RNF31: variants seen among roughly 807,000 people sequenced by gnomAD.
The protein encoded by RNF31 is ring finger protein 31.
Under a neutral mutation model 133.6 loss-of-function variants are expected in RNF31, and 38 were observed. That is an observed-to-expected ratio of 0.28 (90% CI 0.22 to 0.37). The LOEUF is 0.37. RNF31 is among the 10% of genes least tolerant of loss of function. The pLI, the probability that RNF31 is intolerant of heterozygous loss-of-function variation, is 1.00. For missense variants in RNF31, 1,118 were observed against 1,394.1 expected, an observed-to-expected ratio of 0.80 and a Z score of 3.15; for synonymous variants, 582 against 552.3, an observed-to-expected ratio of 1.05 and a Z score of -0.75.
At chr14:24,147,368 T>C (rs1444446237), upstream of RNF31, 1 of 246,782 alleles carries the variant, frequency 4.1e-6, no homozygotes, top group East Asian at 7.6e-5. Flanking sequence ...CCAGGAGCCA[T>C]TTGCCTTCTC....
At chr14:24,156,780 A>AC (rs200303036) in intron 14 of RNF31, among the ~76,000 whole-genome samples, 6 of 148,498 alleles carry the variant, frequency 4.0e-5, no homozygotes, top group African/African-American at 1.5e-4. Context: ...CTCCATCTCA[A>AC]AAAAAAAAAA....
chr14:24,148,254 G>A lies in RNF31; in HGVS notation c.340-4G>A. On this transcript the variant is annotated splice_polypyrimidine_tract_variant and splice_region_variant and intron_variant, in intron 2 of 20. Coordinates refer to ENST00000324103, the MANE Select transcript of RNF31 (RefSeq NM_017999.5). Reference sequence around the variant, plus strand: ...GGGTGGTGACTCGTTTGAATGTGTGGCAGGGGGGCCGAGATGTGCTGCGAT... The same window carrying A: ...GGGTGGTGACTCGTTTGAATGTGTGACAGGGGGGCCGAGATGTGCTGCGAT... The A allele has an allele frequency of 6.2e-7, 1 of 1,614,128 alleles. No individual in the cohort carries two copies. Among genetic ancestry groups the A allele is most frequent in the Non-Finnish European group, 8.5e-7 (1 of 1,180,014 alleles).
intron 11 of RNF31, among the ~76,000 whole-genome samples, chr14:24,154,135 C>T (rs1174224680): frequency 6.6e-6 from 1 of 152,074 alleles, no homozygotes; most frequent in Non-Finnish European, 1.5e-5. Context: ...GCTGTGATTA[C>T]AGGCATCTGC....
Position 24,151,531 on chromosome 14 carries a change from T to A in RNF31, c.1784T>A (p.Leu595His). 6.2e-7 allele frequency: 1 copy of A among 1,614,186 alleles called. No homozygotes were observed. Among genetic ancestry groups the A allele is most frequent in the East Asian group, 2.2e-5 (1 of 44,886 alleles). Residue 595 changes from leucine to histidine, a missense_variant, in exon 10 of 21, where the codon CTC becomes CAC. Physicochemically the swap from Leu to His is moderately conservative, Grantham distance 99 (BLOSUM62 -3). Around this residue, in one of 3 missense-constraint regions of RNF31, gnomAD observed 747 missense variants for 827.9 expected, o/e 0.90. Transcript: ENST00000324103. The surrounding 1 kb of genome is among the most constrained non-coding windows in gnomAD (Gnocchi z 5.3). ...GGCTTTGGGCCTGAGGAGGGGTCTCTCCAGGCATTGTTCCAGCACGGAGGT... is the reference window on the plus strand; with the variant it reads ...GGCTTTGGGCCTGAGGAGGGGTCTCACCAGGCATTGTTCCAGCACGGAGGT... Reference protein sequence around the residue: ...SLGFGPEEGSLQALFQHGGDV... With the variant: ...SLGFGPEEGSHQALFQHGGDV...
intron 18 of RNF31, among the ~76,000 whole-genome samples, chr14:24,159,012 A>G (rs7151845): frequency 0.17 from 22,021 of 131,614 alleles, 1,851 homozygotes; most frequent in South Asian, 0.25. Context: ...CAGCCTGGGC[A>G]ACAGAGCGAG....
chr14:24,151,077 C>A lies in RNF31; in HGVS notation c.1489-54C>A. The A allele has an allele frequency of 1.9e-6, 3 of 1,602,132 alleles. No homozygotes were observed. The highest frequency in any genetic ancestry group is 1.3e-5 in the African/African-American group (1 of 74,854). ...CTGAGCCACTGTCACCATCTTAGTT[C>A]AGGCTGAGGGTGGGTGAAGGGTGCC... On this transcript the variant is annotated intron_variant, in intron 8 of 20. Transcript: ENST00000324103. This position sits in a 1 kb window ranked among gnomAD's most constrained non-coding sequence, Gnocchi z 5.3.
At chr14:24,157,822 C>G in intron 16 of RNF31, 76 bp from the exon 17 acceptor site, 1 of 1,274,320 alleles carries the variant, frequency 7.8e-7, no homozygotes, top group East Asian at 2.3e-5. Context: ...CCCTTACACC[C>G]CTCACGCAGG....
Position 24,157,841 on chromosome 14 carries a change from A to G in RNF31, c.2728-57A>G. The G allele has an allele frequency of 2.8e-6, 4 of 1,447,634 alleles. No homozygotes were observed. The South Asian group carries it at 4.6e-5, about 17-fold the overall frequency. 89.7% of individuals were successfully genotyped at this position (1,447,634 alleles called of 1,614,324 possible). A position where few individuals can be genotyped will look rare whatever the true frequency, so the allele number is the denominator to read the frequency against. ...TACACCCCTCACGCAGGGGTTCCTG[A>G]GAGGCCAGGACCCCAACAGTCTCCA... On this transcript the variant is annotated intron_variant, in intron 16 of 20. Coordinates refer to ENST00000324103, the MANE Select transcript of RNF31 (RefSeq NM_017999.5).
At chr14:24,158,102 A>G (rs777214768) in intron 17 of RNF31, 40 bp from the exon 18 acceptor site, 2 of 1,613,016 alleles carry the variant, frequency 1.2e-6, no homozygotes, top group African/African-American at 1.3e-5. Context: ...GGGACTTGGC[A>G]TCAAGGGGAA....
chr14:24,160,043 T>TG lies in RNF31; in HGVS notation c.2996+86dup. On this transcript the variant is annotated intron_variant, in intron 19 of 20. Coordinates refer to ENST00000324103, the MANE Select transcript of RNF31 (RefSeq NM_017999.5). The surrounding 1 kb of genome is among the most constrained non-coding windows in gnomAD (Gnocchi z 4.0). ...ATGCCCAGGCAGTAAAATGGGTCCT[T>TG]GGGAGCAGTAGGTCTTGCAGTGGGT... 7.0e-7 allele frequency: 1 copy of TG among 1,425,470 alleles called. No homozygotes were observed. The highest frequency in any genetic ancestry group is 1.4e-5 in the African/African-American group (1 of 71,542). 88.3% of individuals were successfully genotyped at this position (1,425,470 alleles called of 1,614,324 possible). A position where few individuals can be genotyped will look rare whatever the true frequency, so the allele number is the denominator to read the frequency against.
intron 18 of RNF31, among the ~76,000 whole-genome samples, chr14:24,158,899 G>A (rs532087317): frequency 1.1e-3 from 166 of 151,874 alleles, no homozygotes; most frequent in Admixed American, 9.0e-3. Flanking sequence ...CGGGCGTGGT[G>A]GCGGGCGCCT....
intron 11 of RNF31, among the ~76,000 whole-genome samples, chr14:24,154,312 C>A (rs1043225033): frequency 1.3e-5 from 2 of 152,172 alleles, no homozygotes; most frequent in Non-Finnish European, 2.9e-5. Context: ...CATGCGCCAC[C>A]ACACTTGGCT....
At chr14:24,156,958 G>A (rs2038349276) in intron 14 of RNF31, among the ~76,000 whole-genome samples, 1 of 152,134 alleles carries the variant, frequency 6.6e-6, no homozygotes, top group African/African-American at 2.4e-5. Flanking sequence ...CCCTAGGGGA[G>A]CAGGAATGGG....
At position 24,149,479 on chromosome 14, in the gene RNF31, C is replaced by G. The variant is rs369458996; in HGVS notation, c.705C>G (p.Ala235=). The G allele has an allele frequency of 2.4e-5, 38 of 1,614,030 alleles. No homozygotes were observed. The African/African-American group carries it at 3.5e-4, about 15-fold the overall frequency. The change falls in exon 6 of 21, where the codon GCC becomes GCG. Residue 235 remains alanine, a synonymous_variant. Transcript: ENST00000324103. ...TGCACTGCCCATCCTGTAAACAGGC[C>G]CTGTGTCCAGCCTGTGACCACCTGT... ...GTLHCPSCKQ[A]LCPACDHLFH... is the part of the protein sequence containing the mutation.
rs747430184 is a variant in RNF31, at chr14:24,147,992, A to G, written c.209A>G (p.Asn70Ser). 2 of 1,613,254 alleles carry G rather than the reference A, an allele frequency of 1.2e-6. No homozygotes were observed. The highest frequency in any genetic ancestry group is 2.2e-5 in the East Asian group (1 of 44,814). Residue 70 changes from asparagine to serine, a missense_variant, in exon 2 of 21, where the codon AAC becomes AGC. Physicochemically the swap from Asn to Ser is conservative, Grantham distance 46. Coordinates refer to ENST00000324103, the MANE Select transcript of RNF31 (RefSeq NM_017999.5). ...NAHGEPRNYLNTLSTALNILE... is the reference protein window; with the variant it reads ...NAHGEPRNYLSTLSTALNILE... ...TGCTCCCAGCCCCGAAACTACCTCAACACCCTGTCCACGGCTCTGAACATC... is the reference window on the plus strand; with the variant it reads ...TGCTCCCAGCCCCGAAACTACCTCAGCACCCTGTCCACGGCTCTGAACATC...
At position 24,151,598 on chromosome 14, in the gene RNF31, A is replaced by C; in HGVS notation, c.1851A>C (p.Leu617=). Residue 617 remains leucine, a synonymous_variant, in exon 10 of 21, where the codon CTA becomes CTC. Transcript: ENST00000324103. The surrounding 1 kb of genome is among the most constrained non-coding windows in gnomAD (Gnocchi z 5.3). Reference sequence around the variant, plus strand: ...TGACTGAGCTACAGCGCCAACGCCTAGAGCCCTTCCGCCAGCGCCTCTGGG... The same window carrying C: ...TGACTGAGCTACAGCGCCAACGCCTCGAGCCCTTCCGCCAGCGCCTCTGGG... The part of the protein sequence containing the change: ...RALTELQRQR[L]EPFRQRLWDS... The C allele has an allele frequency of 6.2e-7, 1 of 1,614,032 alleles. No homozygotes were observed. The highest frequency in any genetic ancestry group is 8.5e-7 in the Non-Finnish European group (1 of 1,180,028).
At chr14:24,149,383 G>T (rs944909546) in intron 5 of RNF31, 23 bp from the exon 6 acceptor site, 2 of 1,599,648 alleles carry the variant, frequency 1.3e-6, no homozygotes, top group Admixed American at 1.7e-5. Flanking sequence ...TTGGAAAGAT[G>T]TTCCATCTCT....
chr14:24,159,524 TAAAAAA>T (rs201123821), intron 18 of RNF31, among the ~76,000 whole-genome samples: 8 of 51,556 alleles, frequency 1.6e-4, no homozygotes, highest in Non-Finnish European at 3.2e-4. Flanking sequence ...AAAATAAAAA[TAAAAAA>T]AAGAGGTAAG....
In RNF31 at chr14:24,150,088, C is replaced by T. The variant is rs2038239673; in HGVS notation, c.837C>T (p.Pro279=). The change falls in exon 7 of 21, where the codon CCC becomes CCT. Residue 279 remains proline, a synonymous_variant. Coordinates refer to ENST00000324103, the MANE Select transcript of RNF31 (RefSeq NM_017999.5). ...PSLPASAQPR[P]QSTSLLALGD... is the part of the protein sequence containing the mutation. Reference sequence around the variant, plus strand: ...TACCTGCCTCAGCCCAACCACGGCCCCAGTCGACCTCCCTGCTGGCCCTGG... The same window carrying T: ...TACCTGCCTCAGCCCAACCACGGCCTCAGTCGACCTCCCTGCTGGCCCTGG... 2 of 1,593,672 alleles carry T rather than the reference C, an allele frequency of 1.3e-6. No individual in the cohort carries two copies. Among genetic ancestry groups the T allele is most frequent in the Admixed American group, 1.7e-5 (1 of 59,202 alleles).
Sources: gnomAD v4.1 joint callset for allele counts (sites outside exome capture counted in the v4.1 genomes callset) on GRCh38, gnomAD v4.1.1 for gene constraint, gnomAD v4.1.1 regional missense constraint, Gnocchi (gnomAD v3.1) non-coding constraint, MANE v1.5 for transcripts, NCBI Gene and HGNC (gene_info 2026-07-23, HGNC 2026-07-21) for gene names.